Variants in ALK observed in about 807,000 individuals in gnomAD.
ALK encodes ALK receptor tyrosine kinase, also known as ALK tyrosine kinase receptor.
ALK carries 74 observed loss-of-function variants against 163.1 expected under a neutral mutation model. The observed-to-expected ratio is 0.45, with a 90% confidence interval of 0.38 to 0.55. The LOEUF is 0.55. ALK is among the 20% of genes least tolerant of loss of function. The probability of loss-of-function intolerance (pLI) is 0.00; values close to 1 mark genes in which losing one functional copy is unlikely to be tolerated. For synonymous variants in ALK, 960 were observed against 843.2 expected (o/e 1.14, Z -2.40); for missense variants, 2,063 against 2,105.3 (o/e 0.98, Z 0.39).
At position 29,370,053 on chromosome 2, in the gene ALK, C is replaced by T. The variant is rs140033465; in HGVS notation, c.1282+13679G>A. On this transcript the variant is annotated intron_variant, in intron 5 of 28. Coordinates refer to ENST00000389048, the MANE Select transcript of ALK (RefSeq NM_004304.5). Reference sequence around the variant, plus strand: ...CAGGGAGCGAGCATGAGTTTGTGTCCGTGCACTAACAAGAAAGAAAGACAT... The same window carrying T: ...CAGGGAGCGAGCATGAGTTTGTGTCTGTGCACTAACAAGAAAGAAAGACAT... Among the ~76,000 whole-genome samples, 10 of 152,144 alleles carry T rather than the reference C, an allele frequency of 6.6e-5. No individual in the cohort carries two copies. The East Asian group carries it at 9.7e-4, about 15-fold the overall frequency.
chr2:29,275,369 G>C, intron 10 of ALK, 33 bp downstream of exon 10: 1 of 1,612,420 alleles, frequency 6.2e-7, no homozygotes, highest in Non-Finnish European at 8.5e-7. Context: ...ATGGGGGTTG[G>C]GGGACAGAGT....
chr2:29,411,607 C>T (rs1359510093), intron 4 of ALK, among the ~76,000 whole-genome samples: 3 of 152,078 alleles, frequency 2.0e-5, no homozygotes, highest in Non-Finnish European at 4.4e-5. Flanking sequence ...TTTTTGAGGA[C>T]CTTGTTGAGG....
chr2:29,749,605 A>G (rs1456796360), intron 1 of ALK, among the ~76,000 whole-genome samples: 2 of 152,222 alleles, frequency 1.3e-5, no homozygotes, highest in African/African-American at 4.8e-5. Context: ...GTTGCTGAGC[A>G]GGAGGGAAGC....
At chr2:29,429,276 T>C (rs961279368) in intron 4 of ALK, among the ~76,000 whole-genome samples, 1 of 151,776 alleles carries the variant, frequency 6.6e-6, no homozygotes, top group Admixed American at 6.6e-5. Flanking sequence ...AAAATATAAA[T>C]AAATAAAAAG....
chr2:29,385,488 T>C (rs1008320877), intron 4 of ALK, among the ~76,000 whole-genome samples: 2 of 151,804 alleles, frequency 1.3e-5, no homozygotes, highest in South Asian at 2.1e-4. Context: ...TCCCCAGGTT[T>C]AGGTGATCCT....
At chr2:29,721,362 G>A (rs374759111) in intron 1 of ALK, among the ~76,000 whole-genome samples, 31 of 152,218 alleles carry the variant, frequency 2.0e-4, no homozygotes, top group African/African-American at 7.2e-4. Context: ...AAGAGGGGTG[G>A]AGGAACACAC....
intron 3 of ALK, among the ~76,000 whole-genome samples, chr2:29,609,433 G>A (rs1463141650): frequency 6.6e-6 from 1 of 152,112 alleles, no homozygotes; most frequent in Non-Finnish European, 1.5e-5. Flanking sequence ...GCCCACAGAA[G>A]AGAAATATTA....
intron 1 of ALK, among the ~76,000 whole-genome samples, chr2:29,720,023 C>G (rs1275828122): frequency 6.6e-6 from 1 of 152,126 alleles, no homozygotes; most frequent in Admixed American, 6.5e-5. Context: ...CTAGGTTATA[C>G]TTTCCTGTTT....
At chr2:29,780,739 T>C (rs932965120) in intron 1 of ALK, among the ~76,000 whole-genome samples, 1 of 152,198 alleles carries the variant, frequency 6.6e-6, no homozygotes, top group African/African-American at 2.4e-5. Flanking sequence ...AAGCCCATGC[T>C]GGTTAAGGAA....
chr2:29,452,020 A>AATAT (rs1424591673), intron 4 of ALK, among the ~76,000 whole-genome samples: 1 of 152,258 alleles, frequency 6.6e-6, no homozygotes. Context: ...TAACAATTTA[A>AATAT]ATATAAGTAG....
At position 29,529,139 on chromosome 2, in the gene ALK, C is replaced by T. The variant is rs541286625; in HGVS notation, c.1154+2776G>A. 3.0e-4 allele frequency among the ~76,000 whole-genome samples: 45 copies of T among 152,332 alleles called. 1 individual carries two copies. Among genetic ancestry groups the T allele is most frequent in the Admixed American group, 4.6e-4 (7 of 15,308 alleles). ...ACCAGTCTGCTGCTCCTGCCCCACC[C>T]GTGCACGACAGCCGGCACCACCTGC... On this transcript the variant is annotated intron_variant, in intron 4 of 28. Transcript: ENST00000389048.
At chr2:29,575,570 T>C (rs1218950277) in intron 3 of ALK, among the ~76,000 whole-genome samples, 1 of 152,212 alleles carries the variant, frequency 6.6e-6, no homozygotes, top group African/African-American at 2.4e-5. Context: ...GGGAAATTAG[T>C]GCTGGCTCTA....
chr2:29,901,686 A>C (rs1667417380), intron 1 of ALK, among the ~76,000 whole-genome samples: 1 of 152,184 alleles, frequency 6.6e-6, no homozygotes, highest in Non-Finnish European at 1.5e-5. Flanking sequence ...CTCCTTAAAC[A>C]TTTCCTCCTA....
chr2:29,698,389 A>T (rs1419529722), intron 2 of ALK, among the ~76,000 whole-genome samples: 2 of 152,224 alleles, frequency 1.3e-5, no homozygotes, highest in Non-Finnish European at 2.9e-5. Context: ...GGTCAAAAAG[A>T]CACATCCACA....
chr2:29,675,118 T>C (rs1677834435), intron 3 of ALK, among the ~76,000 whole-genome samples: 1 of 152,038 alleles, frequency 6.6e-6, no homozygotes, highest in Non-Finnish European at 1.5e-5. Context: ...ATGCCTAAAT[T>C]ACATATACAA....
At chr2:29,489,317 T>G (rs1273310122) in intron 4 of ALK, among the ~76,000 whole-genome samples, 1 of 152,180 alleles carries the variant, frequency 6.6e-6, no homozygotes, top group Non-Finnish European at 1.5e-5. Context: ...TTATTACCAT[T>G]ACTTTAGAGA....
chr2:29,361,225 G>C (rs1250396559), intron 5 of ALK, among the ~76,000 whole-genome samples: 1 of 152,218 alleles, frequency 6.6e-6, no homozygotes, highest in Admixed American at 6.5e-5. Flanking sequence ...AATTGTTAAA[G>C]ACCGTCCACA....
chr2:29,312,174 G>T (rs1464777023), intron 8 of ALK, among the ~76,000 whole-genome samples: 1 of 152,088 alleles, frequency 6.6e-6, no homozygotes, highest in Non-Finnish European at 1.5e-5. Flanking sequence ...CTCCAGCCTT[G>T]GTCTCAGAAT....
At chr2:29,278,310 G>T (rs535981052) in intron 9 of ALK, among the ~76,000 whole-genome samples, 1 of 152,242 alleles carries the variant, frequency 6.6e-6, no homozygotes, top group East Asian at 1.9e-4. Context: ...AGGCAAGGAG[G>T]TTCTGCCATT....
Sources: gnomAD v4.1 joint callset for allele counts (sites outside exome capture counted in the v4.1 genomes callset) on GRCh38, gnomAD v4.1.1 for gene constraint, MANE v1.5 for transcripts, NCBI Gene and HGNC (gene_info 2026-07-23, HGNC 2026-07-21) for gene names.